The following AUTS2 variants were observed in gnomAD, a reference collection of about 807,000 sequenced individuals.
The protein encoded by AUTS2 is autism susceptibility gene 2 protein.
A neutral mutation model predicts 112.4 loss-of-function variants in AUTS2; 17 were observed. The observed-to-expected ratio is 0.15, with a 90% confidence interval of 0.10 to 0.23. The LOEUF is 0.23. Ranked by LOEUF, AUTS2 falls within the 10% of genes least tolerant of loss-of-function variation. The probability of loss-of-function intolerance (pLI) is 1.00; values close to 1 mark genes in which losing one functional copy is unlikely to be tolerated. For synonymous variants in AUTS2, 751 were observed against 702.7 expected (o/e 1.07, Z -1.09); for missense variants, 1,510 against 1,701.6 (o/e 0.89, Z 1.98).
At chr7:70,262,512 C>A (rs962083587) in intron 4 of AUTS2, among the ~76,000 whole-genome samples, 54 of 152,232 alleles carry the variant, frequency 3.5e-4, no homozygotes, top group African/African-American at 1.2e-3. Flanking sequence ...TCATCTTAAC[C>A]TTGTTTTATA....
chr7:69,697,455 A>G (rs558521553), intron 1 of AUTS2, among the ~76,000 whole-genome samples: 40 of 152,290 alleles, frequency 2.6e-4, no homozygotes, highest in African/African-American at 8.7e-4. Context: ...TAAGAAACCC[A>G]CCAATCGTGA....
chr7:69,647,714 G>A (rs966289701), intron 1 of AUTS2, among the ~76,000 whole-genome samples: 1 of 152,180 alleles, frequency 6.6e-6, no homozygotes, highest in Non-Finnish European at 1.5e-5. Context: ...CCATAACAAA[G>A]TATCACAAAC....
At chr7:69,615,324 A>G (rs1017307796) in intron 1 of AUTS2, among the ~76,000 whole-genome samples, 1 of 151,856 alleles carries the variant, frequency 6.6e-6, no homozygotes, top group Non-Finnish European at 1.5e-5. Flanking sequence ...TTTTTTTGAG[A>G]CAGAGTCTTG....
intron 5 of AUTS2, among the ~76,000 whole-genome samples, chr7:70,682,373 C>A (rs1386666547): frequency 2.6e-5 from 4 of 152,142 alleles, no homozygotes; most frequent in African/African-American, 9.7e-5. Flanking sequence ...AGGGGGGAGA[C>A]CAGATTTATT....
Position 69,722,330 on chromosome 7 carries a change from T to C in AUTS2, c.309+122368T>C, listed in dbSNP as rs371263982. Reference sequence around the variant, plus strand: ...GAGAAGGCTATTTCCATTCTTAGAATAGAAAAATTGGAAAATGCCTTGGCA... The same window carrying C: ...GAGAAGGCTATTTCCATTCTTAGAACAGAAAAATTGGAAAATGCCTTGGCA... On this transcript the variant is annotated intron_variant, in intron 1 of 18. Transcript: ENST00000342771. 3.6e-4 allele frequency among the ~76,000 whole-genome samples: 55 copies of C among 151,446 alleles called. 1 individual carries two copies. In the South Asian group the frequency reaches 0.011, roughly 31 times the overall value.
At chr7:70,093,623 C>T (rs1320698778) in intron 2 of AUTS2, among the ~76,000 whole-genome samples, 1 of 152,158 alleles carries the variant, frequency 6.6e-6, no homozygotes, top group Admixed American at 6.5e-5. Flanking sequence ...ACACGAAGGA[C>T]ATGTACAGGT....
chr7:70,082,129 C>G (rs1430717640), intron 2 of AUTS2, among the ~76,000 whole-genome samples: 2 of 152,046 alleles, frequency 1.3e-5, no homozygotes, highest in Admixed American at 6.6e-5. Context: ...CCTCTAAGAT[C>G]CATTCCTAAA....
At chr7:69,979,113 G>C (rs1442070656) in intron 2 of AUTS2, among the ~76,000 whole-genome samples, 1 of 151,962 alleles carries the variant, frequency 6.6e-6, no homozygotes, top group African/African-American at 2.4e-5. Context: ...AGTTTCCTTG[G>C]GTTTTCTGTT....
intron 4 of AUTS2, among the ~76,000 whole-genome samples, chr7:70,308,647 G>T (rs1304103508): frequency 1.3e-5 from 2 of 152,184 alleles, no homozygotes; most frequent in African/African-American, 2.4e-5. Context: ...AAACCGTTTA[G>T]AACAGTGCTT....
rs1048390389 is a variant in AUTS2 at position 69,756,073 on chromosome 7, G to T, written c.310-143213G>T. ...GACAAGTAACACTGGCATTGTGCATGTGTGACAGGTAACTGTAGGTAGTAA... is the reference window on the plus strand; with the variant it reads ...GACAAGTAACACTGGCATTGTGCATTTGTGACAGGTAACTGTAGGTAGTAA... On this transcript the variant is annotated intron_variant, in intron 1 of 18. Transcript: ENST00000342771. 2.6e-5 allele frequency among the ~76,000 whole-genome samples: 4 copies of T among 152,340 alleles called. No homozygotes were observed. The East Asian group carries it at 5.8e-4, about 22-fold the overall frequency.
At chr7:70,233,138 G>C (rs1584911055) in intron 4 of AUTS2, among the ~76,000 whole-genome samples, 1 of 152,100 alleles carries the variant, frequency 6.6e-6, no homozygotes, top group Admixed American at 6.5e-5. Context: ...TCAGCATTTG[G>C]TTTTGGATAT....
chr7:69,849,143 C>G (rs1213358604), intron 1 of AUTS2, among the ~76,000 whole-genome samples: 1 of 152,214 alleles, frequency 6.6e-6, no homozygotes, highest in Admixed American at 6.5e-5. Flanking sequence ...GATCATATGA[C>G]TGCACCCCAG....
intron 1 of AUTS2, among the ~76,000 whole-genome samples, chr7:69,755,384 A>G (rs1175452752): frequency 2.0e-5 from 3 of 152,152 alleles, no homozygotes; most frequent in Non-Finnish European, 4.4e-5. Context: ...TCCACCAAAA[A>G]CTAATCATCT....
chr7:70,378,603 A>G (rs1394410953), intron 4 of AUTS2, among the ~76,000 whole-genome samples: 2 of 152,222 alleles, frequency 1.3e-5, no homozygotes, highest in Non-Finnish European at 2.9e-5. Context: ...AAGTTCACAC[A>G]GCTAGTATGT....
At chr7:70,777,238 G>C (rs540093276) in intron 14 of AUTS2, 64 bp downstream of exon 14, 1 of 1,447,186 alleles carries the variant, frequency 6.9e-7, no homozygotes, top group East Asian at 2.3e-5. Flanking sequence ...GACGTGCTCG[G>C]GAGAACCTGA....
intron 4 of AUTS2, among the ~76,000 whole-genome samples, chr7:70,266,003 C>T (rs1787404277): frequency 6.6e-6 from 1 of 152,106 alleles, no homozygotes. Context: ...CAGTGTACAA[C>T]CTGCAAAGCT....
intron 5 of AUTS2, among the ~76,000 whole-genome samples, chr7:70,561,481 C>G (rs889513408): frequency 2.0e-5 from 3 of 152,040 alleles, no homozygotes; most frequent in Non-Finnish European, 4.4e-5. Flanking sequence ...TTTTAATTAG[C>G]CTGGCATAGT....
chr7:69,757,303 T>C (rs1787981657), intron 1 of AUTS2, among the ~76,000 whole-genome samples: 1 of 152,202 alleles, frequency 6.6e-6, no homozygotes. Context: ...GGACAAGGCT[T>C]TCAGAGAAGT....
chr7:70,407,563 T>C (rs1794590536), intron 4 of AUTS2, among the ~76,000 whole-genome samples: 1 of 152,118 alleles, frequency 6.6e-6, no homozygotes, highest in African/African-American at 2.4e-5. Context: ...TCACATAAAG[T>C]GATTGTTTAT....
Sources: gnomAD v4.1 joint callset for allele counts (sites outside exome capture counted in the v4.1 genomes callset) on GRCh38, gnomAD v4.1.1 for gene constraint, MANE v1.5 for transcripts, NCBI Gene and HGNC (gene_info 2026-07-23, HGNC 2026-07-21) for gene names.